The following TMPRSS15 variants were observed in gnomAD, a reference collection of about 807,000 sequenced individuals.
TMPRSS15 encodes enteropeptidase.
Under a neutral mutation model 125.3 loss-of-function variants are expected in TMPRSS15, and 128 were observed. The observed-to-expected ratio is 1.02, with a 90% CI of 0.89 to 1.18. The LOEUF (loss-of-function observed/expected upper bound fraction) is 1.18. TMPRSS15 is among the 50% of genes most tolerant of loss of function. TMPRSS15 has a pLI of 0.00. For synonymous variants in TMPRSS15, 446 were observed against 423.2 expected (o/e 1.05, Z -0.66); for missense variants, 1,283 against 1,212.7 (o/e 1.06, Z -0.86).
intron 1 of TMPRSS15, among the ~76,000 whole-genome samples, chr21:18,415,515 GTTTGAT>G (rs543538195): frequency 1.3e-5 from 2 of 151,962 alleles, no homozygotes; most frequent in Non-Finnish European, 2.9e-5. Flanking sequence ...GTCCATTTTT[GTTTGAT>G]TTTTGTGAGT....
chr21:18,270,042 G>A lies in TMPRSS15; in HGVS notation c.2987C>T (p.Ala996Val), dbSNP rs2074535648. 2 of 1,613,926 alleles carry A rather than the reference G, an allele frequency of 1.2e-6. No individual in the cohort carries two copies. Among genetic ancestry groups the A allele is most frequent in the African/African-American group, 1.3e-5 (1 of 74,988 alleles). Residue 996 changes from alanine (A) to valine (V), a missense_variant, in exon 25 of 25, where the codon GCC becomes GTC. By Grantham distance (64) the Ala-to-Val change is moderately conservative. Transcript: ENST00000284885. ...AGVTSFGYKCALPNRPGVYAR... is the reference protein window; with the variant it reads ...AGVTSFGYKCVLPNRPGVYAR... ...ATACACTCCGGGGCGATTAGGCAGG[G>A]CACACTTGTATCCAAATGAGGTCAC...
At chr21:18,355,651 G>A (rs1027315560) in intron 8 of TMPRSS15, among the ~76,000 whole-genome samples, 4 of 151,764 alleles carry the variant, frequency 2.6e-5, no homozygotes, top group Non-Finnish European at 5.9e-5. Context: ...TGTCTTACTA[G>A]ACTACTCTGT....
intron 1 of TMPRSS15, among the ~76,000 whole-genome samples, chr21:18,468,332 T>C (rs1467223943): frequency 6.6e-6 from 1 of 152,158 alleles, no homozygotes; most frequent in African/African-American, 2.4e-5. Flanking sequence ...ACAACTGCTT[T>C]ATTTCAATTA....
At chr21:18,471,007 C>T (rs1978768759) in intron 1 of TMPRSS15, among the ~76,000 whole-genome samples, 1 of 151,840 alleles carries the variant, frequency 6.6e-6, no homozygotes, top group Non-Finnish European at 1.5e-5. Context: ...ATACTTCTTA[C>T]ATCTCTATTA....
intron 1 of TMPRSS15, among the ~76,000 whole-genome samples, chr21:18,469,066 G>A (rs1014362650): frequency 6.6e-6 from 1 of 152,156 alleles, no homozygotes; most frequent in Non-Finnish European, 1.5e-5. Context: ...GCAGCTGGCT[G>A]TTGAAAGCCT....
chr21:18,359,087 G>A (rs17781453), intron 8 of TMPRSS15, among the ~76,000 whole-genome samples: 24,328 of 151,806 alleles, frequency 0.16, 2,473 homozygotes, highest in Middle Eastern at 0.29. Flanking sequence ...TTATTTCCCC[G>A]TGGAATTTTG....
At chr21:18,437,263 G>T (rs1433402515) in intron 1 of TMPRSS15, among the ~76,000 whole-genome samples, 1 of 151,772 alleles carries the variant, frequency 6.6e-6, no homozygotes, top group African/African-American at 2.4e-5. Flanking sequence ...GGGAAAACTG[G>T]CTAGCCATAT....
rs2122953676 is a variant in TMPRSS15, at chr21:18,463,181, C to T, written c.10+22618G>A. Among the ~76,000 whole-genome samples the T allele has an allele frequency of 4.7e-3, 620 of 131,338 alleles. 7 individuals are homozygous for T. Among genetic ancestry groups the T allele is most frequent in the African/African-American group, 0.016 (558 of 35,182 alleles). 86.2% of individuals were successfully genotyped at this position (131,338 alleles called of 152,430 possible). ...TGCTGTATTCAGGAGACCCATTTCA[C>T]GTGCAAAAACACGCATAGGCTCAAA... On this transcript the variant is annotated intron_variant, in intron 1 of 7. Coordinates refer to the TMPRSS15 transcript ENST00000422787.
chr21:18,453,369 A>C (rs916232770), intron 1 of TMPRSS15, among the ~76,000 whole-genome samples: 2 of 152,240 alleles, frequency 1.3e-5, no homozygotes, highest in African/African-American at 4.8e-5. Context: ...TCTCCAGAGA[A>C]ACAGAACCAA....
chr21:18,272,000 G>A (rs1045791550), intron 24 of TMPRSS15, among the ~76,000 whole-genome samples: 3 of 152,142 alleles, frequency 2.0e-5, no homozygotes, highest in Non-Finnish European at 2.9e-5. Flanking sequence ...ATTTGGGTTG[G>A]TTCCAAGTCT....
intron 1 of TMPRSS15, among the ~76,000 whole-genome samples, chr21:18,464,284 C>T (rs1978612246): frequency 6.6e-6 from 1 of 150,868 alleles, no homozygotes; most frequent in Non-Finnish European, 1.5e-5. Context: ...AAATTTATAG[C>T]ACTAAATGCC....
chr21:18,271,414 A>C (rs374911720), intron 24 of TMPRSS15, among the ~76,000 whole-genome samples: 49 of 152,208 alleles, frequency 3.2e-4, no homozygotes, highest in African/African-American at 1.1e-3. Flanking sequence ...CAGAATAAGG[A>C]TTTTACCCAG....
intron 10 of TMPRSS15, 38 bp from the exon 11 acceptor site, chr21:18,344,098 A>G (rs1314646611): frequency 6.5e-7 from 1 of 1,530,674 alleles, no homozygotes; most frequent in Non-Finnish European, 9.0e-7. Flanking sequence ...TCACTTAAAT[A>G]TTGCATTTTC....
At chr21:18,431,935 A>T (rs1173288346) in intron 1 of TMPRSS15, among the ~76,000 whole-genome samples, 2 of 152,202 alleles carry the variant, frequency 1.3e-5, no homozygotes, top group Non-Finnish European at 2.9e-5. Context: ...TATGTTTACT[A>T]AAGTGTGTCA....
intron 1 of TMPRSS15, among the ~76,000 whole-genome samples, chr21:18,411,724 G>A (rs2123170565): frequency 6.6e-6 from 1 of 152,112 alleles, no homozygotes; most frequent in South Asian, 2.1e-4. Context: ...CACTCCACAT[G>A]TGGTTTTTTA....
At chr21:18,393,644 G>A (rs143918193) in intron 3 of TMPRSS15, among the ~76,000 whole-genome samples, 7 of 152,170 alleles carry the variant, frequency 4.6e-5, no homozygotes, top group African/African-American at 1.7e-4. Context: ...GCCTAATAAC[G>A]TTAGTAAAAA....
intron 6 of TMPRSS15, among the ~76,000 whole-genome samples, chr21:18,366,458 ATCTC>A (rs2075739103): frequency 6.6e-6 from 1 of 152,250 alleles, no homozygotes; most frequent in South Asian, 2.1e-4. Context: ...TATTTCATGA[ATCTC>A]TCCTTAATGT....
At chr21:18,352,149 G>A (rs900993397) in intron 10 of TMPRSS15, among the ~76,000 whole-genome samples, 1 of 151,822 alleles carries the variant, frequency 6.6e-6, no homozygotes, top group East Asian at 1.9e-4. Context: ...TTGGTATTAT[G>A]AATATGTGTT....
At chr21:18,446,328 C>T (rs1161127436) in intron 1 of TMPRSS15, among the ~76,000 whole-genome samples, 1 of 152,020 alleles carries the variant, frequency 6.6e-6, no homozygotes, top group East Asian at 1.9e-4. Context: ...AAAAGATAGT[C>T]CATGTTCATG....
Sources: gnomAD v4.1 joint callset for allele counts (sites outside exome capture counted in the v4.1 genomes callset) on GRCh38, gnomAD v4.1.1 for gene constraint, MANE v1.5 for transcripts, NCBI Gene and HGNC (gene_info 2026-07-23, HGNC 2026-07-21) for gene names.